The following CYP2C19 variants were observed in gnomAD, a reference collection of about 807,000 sequenced individuals.
CYP2C19 encodes the protein cytochrome P450 2C19.
CYP2C19 carries 59 observed loss-of-function variants against 40.9 expected under a neutral mutation model. The ratio of observed to expected loss-of-function variants is 1.44; its 90% CI spans 1.17 to 1.79. The LOEUF (loss-of-function observed/expected upper bound fraction) is 1.79, where lower values mean the gene tolerates loss of function less well. CYP2C19 is among the 40% of genes most tolerant of loss of function. The pLI is 0.00. For missense variants in CYP2C19, 754 were observed against 596.9 expected (o/e 1.26, Z -2.74); for synonymous variants, 253 against 208.7 (o/e 1.21, Z -1.83).
At chr10:94,817,291 T>A (rs907957293) in intron 5 of CYP2C19, among the ~76,000 whole-genome samples, 2 of 151,284 alleles carry the variant, frequency 1.3e-5, no homozygotes, top group Non-Finnish European at 2.9e-5. Flanking sequence ...TGAGATGATA[T>A]CTCATTGTGG....
At chr10:94,795,088 T>A (rs1401050073) in intron 5 of CYP2C19, among the ~76,000 whole-genome samples, 1 of 151,548 alleles carries the variant, frequency 6.6e-6, no homozygotes, top group African/African-American at 2.4e-5. Flanking sequence ...ATGTGCCATG[T>A]TGGTGTGCTG....
chr10:94,852,593 C>A, intron 8 of CYP2C19, 140 bp from the exon 9 acceptor site: 1 of 841,742 alleles, frequency 1.2e-6, no homozygotes, highest in Admixed American at 2.6e-5. Flanking sequence ...TTCACCCAAC[C>A]ACCCATCTAT....
At chr10:94,822,387 A>T (rs1346872201) in intron 6 of CYP2C19, among the ~76,000 whole-genome samples, 2 of 152,174 alleles carry the variant, frequency 1.3e-5, no homozygotes, top group Non-Finnish European at 2.9e-5. Context: ...GAATTATGGG[A>T]GCCAAAGTCC....
chr10:94,849,861 T>C lies in CYP2C19; in HGVS notation c.1150-56T>C, dbSNP rs1238966964. 3.7e-6 allele frequency: 6 copies of C among 1,601,602 alleles called. No homozygotes were observed. In the African/African-American group the frequency reaches 6.7e-5, roughly 18 times the overall value. On this transcript the variant is annotated intron_variant, in intron 7 of 8. Coordinates refer to ENST00000371321, the MANE Select transcript of CYP2C19 (RefSeq NM_000769.4). ...ATTTAACTGCATGATTACCACTGTT[T>C]CTTAAACCTTCGTGACTTCTTTACA...
At chr10:94,764,043 G>A (rs189426848) in intron 1 of CYP2C19, among the ~76,000 whole-genome samples, 2 of 152,080 alleles carry the variant, frequency 1.3e-5, no homozygotes, top group Admixed American at 6.5e-5. Context: ...GTGGGTTTCT[G>A]GTCTCGCTGG....
intron 5 of CYP2C19, among the ~76,000 whole-genome samples, chr10:94,817,268 A>T (rs1200690965): frequency 8.0e-5 from 12 of 150,284 alleles, no homozygotes; most frequent in African/African-American, 3.0e-4. Context: ...AATGATTGCC[A>T]TTCTAACTGG....
chr10:94,823,352 C>A (rs1280608690), intron 6 of CYP2C19, among the ~76,000 whole-genome samples: 2 of 152,138 alleles, frequency 1.3e-5, no homozygotes, highest in African/African-American at 2.4e-5. Context: ...GGACAAAGGG[C>A]AGTGCCAGAA....
chr10:94,782,055 C>G, intron 5 of CYP2C19, 58 bp downstream of exon 5: 1 of 1,422,418 alleles, frequency 7.0e-7, no homozygotes, highest in Non-Finnish European at 9.4e-7. Flanking sequence ...GATTCATTGA[C>G]TAGTTTTGTG....
In CYP2C19 at chr10:94,801,850, G is replaced by A. The variant is rs192331600; in HGVS notation, c.820-18646G>A. Among the ~76,000 whole-genome samples the A allele has an allele frequency of 2.2e-3, 339 of 152,242 alleles. 1 individual carries two copies. Among genetic ancestry groups the A allele is most frequent in the East Asian group, 7.3e-3 (38 of 5,172 alleles). ...GTCTGGATTTTGTTCCTTCTGGTGC[G>A]TTCGTGGTCTTGTTGACTTCAGAAA... On this transcript the variant is annotated intron_variant, in intron 5 of 8. Coordinates refer to ENST00000371321, the MANE Select transcript of CYP2C19 (RefSeq NM_000769.4).
intron 5 of CYP2C19, among the ~76,000 whole-genome samples, chr10:94,809,020 A>G (rs574406741): frequency 5.3e-5 from 8 of 152,276 alleles, no homozygotes; most frequent in Admixed American, 1.3e-4. Flanking sequence ...ATCTTGCTCC[A>G]TAGTAATTGT....
At chr10:94,851,638 C>G (rs1849655818) in intron 8 of CYP2C19, among the ~76,000 whole-genome samples, 1 of 152,050 alleles carries the variant, frequency 6.6e-6, no homozygotes, top group Non-Finnish European at 1.5e-5. Context: ...GAGGTGTCAG[C>G]AAGTTCACTG....
intron 1 of CYP2C19, chr10:94,774,825 G>C: frequency 1.9e-6 from 1 of 538,336 alleles, no homozygotes; most frequent in Non-Finnish European, 3.3e-6. Flanking sequence ...GTTGGTGTGA[G>C]GGTTAATTGT....
At chr10:94,841,176 A>G (rs1289297086) in intron 6 of CYP2C19, among the ~76,000 whole-genome samples, 1 of 152,204 alleles carries the variant, frequency 6.6e-6, no homozygotes, top group Non-Finnish European at 1.5e-5. Context: ...TGAGTGTTAT[A>G]GCTCTACTAA....
chr10:94,812,795 A>G (rs1323010825), intron 5 of CYP2C19, among the ~76,000 whole-genome samples: 1 of 151,692 alleles, frequency 6.6e-6, no homozygotes, highest in Non-Finnish European at 1.5e-5. Context: ...CTTCTTTGCA[A>G]TGGGTTAGAA....
chr10:94,820,368 AT>A (rs1849095778), intron 5 of CYP2C19, 127 bp from the exon 6 acceptor site: 10 of 1,090,696 alleles, frequency 9.2e-6, no homozygotes, highest in Middle Eastern at 2.0e-4. Flanking sequence ...CCTATTCAAT[AT>A]TTTTTTCTAG....
At chr10:94,774,574 C>CCG in intron 1 of CYP2C19, 1 of 170,796 alleles carries the variant, frequency 5.9e-6, no homozygotes, top group Non-Finnish European at 1.3e-5. Flanking sequence ...ACTATAAATG[C>CCG]TATGATGCAT....
chr10:94,822,763 T>C (rs1325836382), intron 6 of CYP2C19, among the ~76,000 whole-genome samples: 1 of 152,194 alleles, frequency 6.6e-6, no homozygotes, highest in Non-Finnish European at 1.5e-5. Context: ...ATATTAATAA[T>C]TGCCATTCTG....
At chr10:94,840,649 C>T (rs549449316) in intron 6 of CYP2C19, among the ~76,000 whole-genome samples, 29 of 152,276 alleles carry the variant, frequency 1.9e-4, no homozygotes, top group African/African-American at 6.0e-4. Context: ...TAGGGGCGCA[C>T]GCATGTGTGA....
chr10:94,782,961 G>A lies in CYP2C19; in HGVS notation c.819+964G>A, dbSNP rs1848498229. ...ACATCACACACTGGGGCCTGTCAAG[G>A]GGTGGAGGGCTTGGGGAGGGATAAC... On this transcript the variant is annotated intron_variant, in intron 5 of 8. Coordinates refer to ENST00000371321, the MANE Select transcript of CYP2C19 (RefSeq NM_000769.4). Among the ~76,000 whole-genome samples, 5 of 152,044 alleles carry A rather than the reference G, an allele frequency of 3.3e-5. No homozygotes were observed. In the South Asian group the frequency reaches 8.3e-4, roughly 25 times the overall value.
Sources: allele counts gnomAD v4.1 joint callset (sites outside exome capture counted in the v4.1 genomes callset), GRCh38; gene constraint gnomAD v4.1.1; transcripts MANE v1.5; gene names NCBI Gene and HGNC (gene_info 2026-07-23, HGNC 2026-07-21).